PDE10A: variants seen among roughly 807,000 people sequenced by gnomAD.
The protein encoded by PDE10A is cAMP and cAMP-inhibited cGMP 3',5'-cyclic phosphodiesterase 10A.
Under a neutral mutation model 97.7 loss-of-function variants are expected in PDE10A, and 39 were observed. The ratio of observed to expected loss-of-function variants is 0.40; its 90% CI spans 0.31 to 0.52. The LOEUF is 0.52. Among genes scored for constraint, PDE10A ranks in the 20% least tolerant of loss-of-function variants. The probability of loss-of-function intolerance (pLI) is 0.56; values close to 1 mark genes in which losing one functional copy is unlikely to be tolerated. For missense variants in PDE10A, 731 were observed against 1,047.8 expected (o/e 0.70, Z 4.17); for synonymous variants, 371 against 376.8 (o/e 0.98, Z 0.18).
intron 1 of PDE10A, among the ~76,000 whole-genome samples, chr6:165,669,129 T>A (rs781252762): frequency 6.6e-6 from 1 of 152,172 alleles, no homozygotes; most frequent in Non-Finnish European, 1.5e-5. Flanking sequence ...GAGACGTAAG[T>A]AGAACTTGGT....
At chr6:165,390,145 GA>G (rs970851254) in intron 16 of PDE10A, among the ~76,000 whole-genome samples, 2 of 152,054 alleles carry the variant, frequency 1.3e-5, no homozygotes, top group African/African-American at 4.8e-5. Flanking sequence ...GAAGGATTAA[GA>G]AAAAAACAAC....
intron 1 of PDE10A, among the ~76,000 whole-genome samples, chr6:165,550,035 T>C (rs946202951): frequency 1.3e-4 from 20 of 152,296 alleles, no homozygotes; most frequent in African/African-American, 4.6e-4. Context: ...GTATCCAGTA[T>C]ATCCTTCCTC....
intron 1 of PDE10A, among the ~76,000 whole-genome samples, chr6:165,948,023 G>A (rs1268105606): frequency 1.3e-5 from 2 of 151,234 alleles, no homozygotes; most frequent in Non-Finnish European, 2.9e-5. Context: ...AATTCGACCT[G>A]AATCTTGACA....
At position 165,841,073 on chromosome 6, in the gene PDE10A, T is replaced by C. The variant is rs148353151; in HGVS notation, c.-615+146456A>G. 3.2e-3 allele frequency among the ~76,000 whole-genome samples: 485 copies of C among 152,370 alleles called. 3 individuals carry two copies. Among genetic ancestry groups the C allele is most frequent in the African/African-American group, 0.011 (455 of 41,592 alleles). Reference sequence around the variant, plus strand: ...GACAAGCTCTCAGCATGGTACTTTGTCCATAATAGGTGTCAGTCAATTAAT... The same window carrying C: ...GACAAGCTCTCAGCATGGTACTTTGCCCATAATAGGTGTCAGTCAATTAAT... On this transcript the variant is annotated intron_variant, in intron 1 of 19. Transcript: ENST00000366882.
At chr6:165,338,481 A>C (rs182111003) in intron 20 of PDE10A, among the ~76,000 whole-genome samples, 2 of 152,342 alleles carry the variant, frequency 1.3e-5, no homozygotes, top group Non-Finnish European at 2.9e-5. Flanking sequence ...GCGAGGCACA[A>C]GACCTCTCAA....
chr6:165,969,382 G>A (rs770457791), intron 1 of PDE10A, among the ~76,000 whole-genome samples: 1 of 152,110 alleles, frequency 6.6e-6, no homozygotes, highest in African/African-American at 2.4e-5. Context: ...GCGTGGCAGC[G>A]GTTATGGGAG....
At chr6:165,429,086 T>C (rs936817382) in intron 9 of PDE10A, among the ~76,000 whole-genome samples, 1 of 152,126 alleles carries the variant, frequency 6.6e-6, no homozygotes, top group African/African-American at 2.4e-5. Context: ...TATTTAAATG[T>C]GCTAAATCTC....
intron 1 of PDE10A, among the ~76,000 whole-genome samples, chr6:165,723,618 C>T (rs1271989091): frequency 6.6e-6 from 1 of 152,174 alleles, no homozygotes; most frequent in Non-Finnish European, 1.5e-5. Context: ...CATGTTTTGC[C>T]ATAGCTGCTA....
At chr6:165,832,278 C>A (rs1188915216) in intron 1 of PDE10A, among the ~76,000 whole-genome samples, 1 of 151,990 alleles carries the variant, frequency 6.6e-6, no homozygotes, top group Non-Finnish European at 1.5e-5. Flanking sequence ...CGGAGAGGAA[C>A]GTTCTGGAGG....
At chr6:165,631,195 A>C (rs1788612823) in intron 1 of PDE10A, among the ~76,000 whole-genome samples, 2 of 152,248 alleles carry the variant, frequency 1.3e-5, no homozygotes, top group South Asian at 4.1e-4. Context: ...TGTTATTAAG[A>C]TTATCACTTT....
At chr6:165,884,846 G>T (rs1185675972) in intron 1 of PDE10A, among the ~76,000 whole-genome samples, 3 of 152,238 alleles carry the variant, frequency 2.0e-5, no homozygotes, top group African/African-American at 7.2e-5. Flanking sequence ...ATCTTCAGCT[G>T]TGAGGGCTTC....
At chr6:165,889,485 A>C (rs973322470) in intron 1 of PDE10A, among the ~76,000 whole-genome samples, 1 of 152,204 alleles carries the variant, frequency 6.6e-6, no homozygotes, top group Non-Finnish European at 1.5e-5. Flanking sequence ...TCACGGGGGA[A>C]TATCTCCAGG....
chr6:165,923,563 T>G (rs1782821786), intron 1 of PDE10A, among the ~76,000 whole-genome samples: 1 of 152,204 alleles, frequency 6.6e-6, no homozygotes, highest in African/African-American at 2.4e-5. Context: ...GGCTCCTGGC[T>G]GTGGTTGGGA....
intron 1 of PDE10A, among the ~76,000 whole-genome samples, chr6:165,759,629 C>T (rs149950133): frequency 2.0e-5 from 3 of 152,334 alleles, no homozygotes; most frequent in Admixed American, 1.3e-4. Context: ...CAGTGAATAA[C>T]CTCATTGGTA....
intron 1 of PDE10A, among the ~76,000 whole-genome samples, chr6:165,954,230 G>A (rs1225468992): frequency 6.6e-6 from 1 of 152,174 alleles, no homozygotes; most frequent in Non-Finnish European, 1.5e-5. Flanking sequence ...GCAGATTTTT[G>A]TATGGAAAGA....
chr6:165,897,315 C>T (rs932474705), intron 1 of PDE10A, among the ~76,000 whole-genome samples: 10 of 152,140 alleles, frequency 6.6e-5, no homozygotes, highest in African/African-American at 2.2e-4. Flanking sequence ...TCTTTAAAGA[C>T]TTGAGGCTGG....
At chr6:165,788,408 T>C (rs1327883776) in intron 1 of PDE10A, among the ~76,000 whole-genome samples, 1 of 150,058 alleles carries the variant, frequency 6.7e-6, no homozygotes, top group African/African-American at 2.5e-5. Context: ...TCCCAGCTAC[T>C]TGGGAGGCTG....
intron 1 of PDE10A, among the ~76,000 whole-genome samples, chr6:165,678,267 GTGTA>G (rs1292575366): frequency 1.1e-5 from 1 of 95,116 alleles, no homozygotes; most frequent in Non-Finnish European, 2.3e-5. Context: ...CGGTGTGTCT[GTGTA>G]TGTGTGTGTG....
At chr6:165,431,613 A>T in intron 7 of PDE10A, 141 bp from the exon 8 acceptor site, 1 of 268,104 alleles carries the variant, frequency 3.7e-6, no homozygotes. Flanking sequence ...AATATATATC[A>T]TACATAACAT....
Sources: allele counts gnomAD v4.1 joint callset (sites outside exome capture counted in the v4.1 genomes callset), GRCh38; gene constraint gnomAD v4.1.1; transcripts MANE v1.5; gene names NCBI Gene and HGNC (gene_info 2026-07-23, HGNC 2026-07-21).